Variants in IL1RAPL1 observed in about 807,000 individuals in gnomAD.
The protein encoded by IL1RAPL1 is interleukin-1 receptor accessory protein-like 1.
In IL1RAPL1, 3 loss-of-function variants were observed where a neutral mutation model predicts 48.4. The observed-to-expected ratio is 0.06, with a 90% CI of 0.03 to 0.16. IL1RAPL1 has a LOEUF of 0.16. Among genes scored for constraint, IL1RAPL1 ranks in the 10% least tolerant of loss-of-function variants. The probability of loss-of-function intolerance (pLI) is 1.00; values close to 1 mark genes in which losing one functional copy is unlikely to be tolerated. For synonymous variants in IL1RAPL1, 185 were observed against 187.7 expected (o/e 0.99, Z 0.12); for missense variants, 349 against 530.6 (o/e 0.66, Z 3.36).
At chrX:29,875,350 C>T (rs111484827) in intron 6 of IL1RAPL1, among the ~76,000 whole-genome samples, 4,822 of 111,879 alleles carry the variant, frequency 0.043, 235 homozygotes, top group African/African-American at 0.15. Flanking sequence ...CTTCTCACTG[C>T]ACATTGGATA....
chrX:29,700,693 T>C (rs889241117), intron 6 of IL1RAPL1, among the ~76,000 whole-genome samples: 9 of 111,755 alleles, frequency 8.1e-5, no homozygotes, highest in Non-Finnish European at 1.7e-4. Context: ...TCATGTAGCA[T>C]ATTTGTAAAG....
chrX:29,305,519 G>A (rs1157547314), intron 3 of IL1RAPL1, among the ~76,000 whole-genome samples: 2 of 111,689 alleles, frequency 1.8e-5, no homozygotes, highest in African/African-American at 6.5e-5. Flanking sequence ...AAATGCACAA[G>A]AGGGCAAAAG....
intron 1 of IL1RAPL1, among the ~76,000 whole-genome samples, chrX:28,771,420 A>G (rs999877589): frequency 8.9e-6 from 1 of 112,360 alleles, no homozygotes; most frequent in Non-Finnish European, 1.9e-5. Context: ...CTGCTAGAAT[A>G]TATTAGTTGC....
intron 2 of IL1RAPL1, among the ~76,000 whole-genome samples, chrX:29,139,414 A>G (rs905643582): frequency 9.0e-6 from 1 of 111,309 alleles, no homozygotes; most frequent in Non-Finnish European, 1.9e-5. Flanking sequence ...ACTCAATAAT[A>G]TATAATTCTG....
chrX:29,135,059 A>G (rs1023360539), intron 2 of IL1RAPL1, among the ~76,000 whole-genome samples: 7 of 112,252 alleles, frequency 6.2e-5, no homozygotes, highest in African/African-American at 1.9e-4. Flanking sequence ...CACCTAAAAT[A>G]ACAGCAATCA....
chrX:29,243,371 T>A (rs1294866386), intron 2 of IL1RAPL1, among the ~76,000 whole-genome samples: 1 of 111,740 alleles, frequency 8.9e-6, no homozygotes, highest in Admixed American at 9.5e-5. Flanking sequence ...CCCGGTGAAA[T>A]TCACTGGCAC....
At chrX:29,934,775 C>A (rs769711099) in intron 8 of IL1RAPL1, among the ~76,000 whole-genome samples, 6 of 111,616 alleles carry the variant, frequency 5.4e-5, no homozygotes, top group African/African-American at 2.0e-4. Flanking sequence ...ATGTGAATCC[C>A]CTAAAAACAA....
intron 2 of IL1RAPL1, among the ~76,000 whole-genome samples, chrX:29,128,185 C>G (rs1265827847): frequency 9.1e-6 from 1 of 110,428 alleles, no homozygotes; most frequent in African/African-American, 3.3e-5. Context: ...ATATCATCAC[C>G]AAGGAGGGGC....
intron 8 of IL1RAPL1, among the ~76,000 whole-genome samples, chrX:29,930,247 T>C (rs1033607744): frequency 1.8e-5 from 2 of 112,320 alleles, no homozygotes; most frequent in Non-Finnish European, 3.8e-5. Flanking sequence ...AAAAAATTCC[T>C]GTTAGACTTG....
At chrX:29,013,826 A>G (rs925684110) in intron 2 of IL1RAPL1, among the ~76,000 whole-genome samples, 4 of 110,839 alleles carry the variant, frequency 3.6e-5, no homozygotes, top group South Asian at 3.8e-4. Flanking sequence ...CAGTTTACCT[A>G]TGTAACAAAC....
chrX:28,704,822 ACACAC>A (rs1935349124), intron 1 of IL1RAPL1, among the ~76,000 whole-genome samples: 1 of 58,571 alleles, frequency 1.7e-5, no homozygotes, highest in Admixed American at 2.1e-4. Flanking sequence ...ACACACACAC[ACACAC>A]ACACAAAAAA....
chrX:29,177,568 A>G (rs1288129894), intron 2 of IL1RAPL1, among the ~76,000 whole-genome samples: 1 of 111,981 alleles, frequency 8.9e-6, no homozygotes, highest in Non-Finnish European at 1.9e-5. Flanking sequence ...CAATAAAAGT[A>G]TTGTTTAAGG....
At chrX:29,697,459 TTAAC>T (rs1193948724) in intron 6 of IL1RAPL1, among the ~76,000 whole-genome samples, 9 of 112,328 alleles carry the variant, frequency 8.0e-5, no homozygotes, top group Non-Finnish European at 1.3e-4. Flanking sequence ...CACAATGTTT[TTAAC>T]TGACTGAATT....
At chrX:28,954,002 C>A (rs867801579) in intron 2 of IL1RAPL1, among the ~76,000 whole-genome samples, 2 of 111,305 alleles carry the variant, frequency 1.8e-5, no homozygotes, top group Middle Eastern at 4.6e-3. Flanking sequence ...TTAACTGATA[C>A]TTTTAAAAAT....
At chrX:29,662,436 T>C (rs1925872608) in intron 5 of IL1RAPL1, among the ~76,000 whole-genome samples, 1 of 112,255 alleles carries the variant, frequency 8.9e-6, no homozygotes, top group South Asian at 3.7e-4. Flanking sequence ...TCACCTGGCA[T>C]TATATTGTGT....
At chrX:29,393,014 C>T (rs780354011) in intron 3 of IL1RAPL1, among the ~76,000 whole-genome samples, 6 of 112,067 alleles carry the variant, frequency 5.4e-5, no homozygotes, top group Non-Finnish European at 7.5e-5. Flanking sequence ...GTGTTCTAAG[C>T]TCTTTATGAG....
intron 2 of IL1RAPL1, among the ~76,000 whole-genome samples, chrX:28,934,632 A>G (rs1400629113): frequency 1.8e-5 from 2 of 111,841 alleles, no homozygotes; most frequent in Non-Finnish European, 3.8e-5. Flanking sequence ...AAACAGAATA[A>G]TACAATTTGT....
At chrX:29,663,777 T>A (rs1230913888) in intron 5 of IL1RAPL1, among the ~76,000 whole-genome samples, 1 of 112,179 alleles carries the variant, frequency 8.9e-6, no homozygotes, top group African/African-American at 3.2e-5. Context: ...TTTGGTTGGA[T>A]GTCCAGTTCA....
intron 2 of IL1RAPL1, among the ~76,000 whole-genome samples, chrX:29,076,802 G>GTCTGTCTGTCTGTCTATCTATCTA (rs568595100): frequency 2.8e-4 from 27 of 97,271 alleles, no homozygotes; most frequent in East Asian, 6.4e-4. Flanking sequence ...CTGTCTGTCT[G>GTCTGTCTGTCTGTCTATCTATCTA]TCTATCTATC....
Sources: allele counts gnomAD v4.1 joint callset (sites outside exome capture counted in the v4.1 genomes callset), GRCh38; gene constraint gnomAD v4.1.1; transcripts MANE v1.5; gene names NCBI Gene and HGNC (gene_info 2026-07-23, HGNC 2026-07-21).